Variants in CYTIP observed in about 807,000 individuals in gnomAD.
CYTIP encodes cytohesin 1 interacting protein, also known as cytohesin-interacting protein.
In CYTIP, 26 loss-of-function variants were observed where a neutral mutation model predicts 43.8. The ratio of observed to expected loss-of-function variants is 0.59; its 90% CI spans 0.44 to 0.82. The LOEUF is 0.82. CYTIP is among the 40% of genes least tolerant of loss of function. CYTIP has a pLI of 0.00. For missense variants in CYTIP, 426 were observed against 443.1 expected (o/e 0.96, Z 0.35); for synonymous variants, 162 against 162.9 (o/e 0.99, Z 0.04).
intron 1 of CYTIP, among the ~76,000 whole-genome samples, 172 bp from the exon 2 acceptor site, chr2:157,434,919 C>T (rs1436341314): frequency 1.4e-5 from 2 of 144,768 alleles, no homozygotes; most frequent in Non-Finnish European, 3.0e-5. Flanking sequence ...TTACCACCTT[C>T]TTTGGCCCAG....
At chr2:157,425,592 G>A (rs890583050) in intron 6 of CYTIP, among the ~76,000 whole-genome samples, 1 of 152,102 alleles carries the variant, frequency 6.6e-6, no homozygotes, top group Admixed American at 6.5e-5. Context: ...AAAACTTAAG[G>A]CAAAAACATG....
chr2:157,425,050 G>A (rs1468448089), intron 6 of CYTIP, among the ~76,000 whole-genome samples: 1 of 151,914 alleles, frequency 6.6e-6, no homozygotes, highest in Non-Finnish European at 1.5e-5. Flanking sequence ...AATTTATTCT[G>A]GATGAATTAA....
At chr2:157,436,254 C>G (rs1363392548) in intron 1 of CYTIP, among the ~76,000 whole-genome samples, 1 of 152,050 alleles carries the variant, frequency 6.6e-6, no homozygotes, top group Non-Finnish European at 1.5e-5. Context: ...TTGTTGTAAC[C>G]TGATTTTGTA....
intron 1 of CYTIP, among the ~76,000 whole-genome samples, chr2:157,442,967 A>T (rs1312163074): frequency 6.6e-6 from 1 of 152,246 alleles, no homozygotes; most frequent in Non-Finnish European, 1.5e-5. Context: ...GTTGTTTAAA[A>T]AAAATCCTGA....
chr2:157,436,657 A>T (rs1242255068), intron 1 of CYTIP, among the ~76,000 whole-genome samples: 4 of 152,072 alleles, frequency 2.6e-5, no homozygotes, highest in African/African-American at 9.7e-5. Context: ...ACATCTGTAC[A>T]TAATCATCTG....
intron 6 of CYTIP, among the ~76,000 whole-genome samples, chr2:157,425,743 T>A (rs970933609): frequency 2.0e-5 from 3 of 152,162 alleles, no homozygotes; most frequent in Non-Finnish European, 2.9e-5. Context: ...TAAACTTTTT[T>A]AAAAAGATGT....
Position 157,439,914 on chromosome 2 carries a change from C to T in CYTIP, c.174+3933G>A, listed in dbSNP as rs563779412. The stretch of plus-strand genomic sequence containing the variant: ...ATTCCTCTTCAGTGGGAAACCAAGA[C>T]CAAATACTTCAGCTGTCAATTTCTG... On this transcript the variant is annotated intron_variant, in intron 1 of 7. Transcript: ENST00000264192. 6.6e-5 allele frequency among the ~76,000 whole-genome samples: 10 copies of T among 152,322 alleles called. No homozygotes were observed. The South Asian group carries it at 1.9e-3, about 28-fold the overall frequency.
intron 5 of CYTIP, among the ~76,000 whole-genome samples, 159 bp downstream of exon 5, chr2:157,430,400 A>G (rs1685693562): frequency 6.6e-6 from 1 of 152,044 alleles, no homozygotes; most frequent in East Asian, 1.9e-4. Context: ...ATCTTGAGAA[A>G]CAAAAGGAAC....
chr2:157,438,330 C>T (rs1288584386), intron 1 of CYTIP, among the ~76,000 whole-genome samples: 1 of 152,038 alleles, frequency 6.6e-6, no homozygotes, highest in African/African-American at 2.4e-5. Context: ...AAAAGTTGAT[C>T]TCATAGAAGT....
rs200585803 is a variant in CYTIP, at chr2:157,415,969, G to T, written c.788C>A (p.Thr263Lys). The T allele has an allele frequency of 2.5e-6, 4 of 1,614,194 alleles. No individual in the cohort carries two copies. In the Admixed American group the frequency reaches 6.7e-5, roughly 27 times the overall value. Residue 263 changes from threonine to lysine, a missense_variant, in exon 8 of 8, where the codon ACG becomes AAG. By Grantham distance (78) the Thr-to-Lys change is moderately conservative. Coordinates refer to ENST00000264192, the MANE Select transcript of CYTIP (RefSeq NM_004288.5). ...CCTGCTGGAGTCCTCAGACACACAC[G>T]TCTGGTAGCCATCTTCACTGTCCAT... ...MTMDSEDGYQ[T>K]CVSEDSSRGA...
chr2:157,436,903 GA>G (rs147551812), intron 1 of CYTIP, among the ~76,000 whole-genome samples: 2,417 of 152,120 alleles, frequency 0.016, 46 homozygotes, highest in African/African-American at 0.055. Context: ...AATATCATAG[GA>G]AAAACTCAAG....
chr2:157,416,027 T>G lies in CYTIP; in HGVS notation c.730A>C (p.Ser244Arg), dbSNP rs748002457. ...GAGCTCAGCCAGCTCTTACAGCTGC[T>G]CTCACTGGATAATCGATTCCGGTCC... ...LVDRNRLSSE[S>R]SCKSWLSSMT... Residue 244 changes from serine (S) to arginine (R), a missense_variant, in exon 8 of 8, where the codon AGC becomes CGC. Physicochemically the swap from Ser to Arg is moderately radical, Grantham distance 110. Coordinates refer to ENST00000264192, the MANE Select transcript of CYTIP (RefSeq NM_004288.5). The G allele has an allele frequency of 8.7e-6, 14 of 1,614,182 alleles. No homozygotes were observed. In the South Asian group the frequency reaches 1.4e-4, roughly 16 times the overall value.
At chr2:157,434,794 C>T (rs1447323623) in intron 1 of CYTIP, 47 bp from the exon 2 acceptor site, 6 of 1,381,784 alleles carry the variant, frequency 4.3e-6, no homozygotes, top group Non-Finnish European at 6.1e-6. Context: ...CTTCAAGATA[C>T]ACTGTAAAAT....
chr2:157,430,494 A>T, intron 5 of CYTIP, 65 bp downstream of exon 5: 1 of 1,387,196 alleles, frequency 7.2e-7, no homozygotes, highest in Non-Finnish European at 1.0e-6. Context: ...CTATTTATTC[A>T]CTCATCAGGC....
chr2:157,427,946 C>T lies in CYTIP; in HGVS notation c.477-526G>A, dbSNP rs578069463. Among the ~76,000 whole-genome samples the T allele has an allele frequency of 9.8e-5, 15 of 152,286 alleles. No homozygotes were observed. In the East Asian group the frequency reaches 2.7e-3, roughly 27 times the overall value. On this transcript the variant is annotated intron_variant, in intron 5 of 7. Transcript: ENST00000264192. ...CTCCATAGGATTCTAGGAGCCTTTACCTCTGTAAATCTCCTTATAATTTTG... is the reference window on the plus strand; with the variant it reads ...CTCCATAGGATTCTAGGAGCCTTTATCTCTGTAAATCTCCTTATAATTTTG...
chr2:157,443,196 A>C (rs1330211100), intron 1 of CYTIP, among the ~76,000 whole-genome samples: 2 of 152,178 alleles, frequency 1.3e-5, no homozygotes, highest in Non-Finnish European at 2.9e-5. Flanking sequence ...TATTTAACCA[A>C]CATAAGAACC....
chr2:157,431,242 C>T (rs1008065478), intron 3 of CYTIP, among the ~76,000 whole-genome samples: 2 of 152,112 alleles, frequency 1.3e-5, no homozygotes, highest in Admixed American at 6.5e-5. Context: ...GATGCTATCA[C>T]GATTTATTTT....
chr2:157,437,874 T>A (rs1046793950), intron 1 of CYTIP, among the ~76,000 whole-genome samples: 4 of 152,002 alleles, frequency 2.6e-5, no homozygotes, highest in Admixed American at 1.3e-4. Flanking sequence ...CAATAAATAA[T>A]AAATGCTGGT....
At chr2:157,438,385 A>T (rs1573862964) in intron 1 of CYTIP, among the ~76,000 whole-genome samples, 1 of 152,340 alleles carries the variant, frequency 6.6e-6, no homozygotes, top group South Asian at 2.1e-4. Context: ...GGGTTGGGGG[A>T]AGAAATGGAT....
Sources: gnomAD v4.1 joint callset for allele counts (sites outside exome capture counted in the v4.1 genomes callset) on GRCh38, gnomAD v4.1.1 for gene constraint, MANE v1.5 for transcripts, NCBI Gene and HGNC (gene_info 2026-07-23, HGNC 2026-07-21) for gene names.